The following SEM1 variants were observed in gnomAD, a reference collection of about 807,000 sequenced individuals.
SEM1 encodes the protein 26S proteasome complex subunit SEM1.
Under a neutral mutation model 12.7 loss-of-function variants are expected in SEM1, and 3 were observed. The observed-to-expected ratio is 0.24, with a 90% CI of 0.11 to 0.61. The LOEUF is 0.61. SEM1 is among the 20% of genes least tolerant of loss of function. SEM1 has a pLI of 0.88. For synonymous variants in SEM1, 30 were observed against 27.8 expected (o/e 1.08, Z -0.25); for missense variants, 59 against 81.3 (o/e 0.73, Z 1.06).
chr7:96,542,544 A>G (rs1039891769), intron 2 of SEM1, among the ~76,000 whole-genome samples: 1 of 151,852 alleles, frequency 6.6e-6, no homozygotes, highest in Non-Finnish European at 1.5e-5. Context: ...TTAAAATAGG[A>G]AAAAGGACAC....
chr7:96,641,652 T>C lies in SEM1; in HGVS notation c.171-19009A>G, dbSNP rs115094617. ...CTCTTTAAACAAACAAACAATCAAA[T>C]AATTTAGCATGCCTCCTACCCCACT... On this transcript the variant is annotated intron_variant, in intron 2 of 2. Coordinates refer to the SEM1 transcript ENST00000417009. 3.4e-3 allele frequency among the ~76,000 whole-genome samples: 517 copies of C among 152,164 alleles called. 4 individuals are homozygous for C. The highest frequency in any genetic ancestry group is 0.012 in the African/African-American group (497 of 41,556).
chr7:96,701,740 T>C (rs1425211876), intron 1 of SEM1, among the ~76,000 whole-genome samples: 1 of 152,150 alleles, frequency 6.6e-6, no homozygotes, highest in African/African-American at 2.4e-5. Context: ...CAATTTTATT[T>C]TTCATTCATG....
chr7:96,559,428 T>C (rs1182912662), intron 2 of SEM1, among the ~76,000 whole-genome samples: 1 of 151,944 alleles, frequency 6.6e-6, no homozygotes, highest in African/African-American at 2.4e-5. Flanking sequence ...AATACAGGCA[T>C]ACACCACCAC....
At chr7:96,547,878 T>C (rs1413293089) in intron 2 of SEM1, among the ~76,000 whole-genome samples, 2 of 152,148 alleles carry the variant, frequency 1.3e-5, no homozygotes. Flanking sequence ...CAAATTAAGT[T>C]GCCCCTTGTA....
chr7:96,593,878 T>C (rs1433058382), intron 2 of SEM1, among the ~76,000 whole-genome samples: 4 of 152,024 alleles, frequency 2.6e-5, no homozygotes, highest in Non-Finnish European at 5.9e-5. Flanking sequence ...ACTTATAACA[T>C]CTATGTTGAC....
At chr7:96,633,568 G>A (rs977566567) in intron 2 of SEM1, among the ~76,000 whole-genome samples, 1 of 152,062 alleles carries the variant, frequency 6.6e-6, no homozygotes, top group African/African-American at 2.4e-5. Flanking sequence ...AAATGAGGAT[G>A]TATTATAATA....
chr7:96,698,756 T>C (rs1790177355), intron 1 of SEM1, among the ~76,000 whole-genome samples: 1 of 152,200 alleles, frequency 6.6e-6, no homozygotes. Flanking sequence ...AGTAGAATGA[T>C]TTATAATCCT....
intron 1 of SEM1, among the ~76,000 whole-genome samples, chr7:96,706,567 A>AAACC (rs1584877593): frequency 1.0e-5 from 1 of 96,134 alleles, no homozygotes; most frequent in East Asian, 4.7e-4. Flanking sequence ...CATCTCAAAC[A>AAACC]AACAAAAAAA....
At chr7:96,677,884 A>C (rs1402686464) in intron 2 of SEM1, among the ~76,000 whole-genome samples, 1 of 152,134 alleles carries the variant, frequency 6.6e-6, no homozygotes, top group Non-Finnish European at 1.5e-5. Context: ...AATGTCCACT[A>C]TGGTATTTAA....
At chr7:96,684,425 A>G (rs530655905), downstream of SEM1, among the ~76,000 whole-genome samples, 1 of 152,044 alleles carries the variant, frequency 6.6e-6, no homozygotes, top group South Asian at 2.1e-4. Context: ...CTTGTGAAAG[A>G]AGGCTTGGCC....
At chr7:96,608,567 T>G (rs571054580) in intron 2 of SEM1, among the ~76,000 whole-genome samples, 12 of 152,344 alleles carry the variant, frequency 7.9e-5, no homozygotes, top group African/African-American at 2.9e-4. Flanking sequence ...TGTACCCACT[T>G]GGAGTCCAGT....
At chr7:96,566,640 A>C (rs1175870881) in intron 2 of SEM1, among the ~76,000 whole-genome samples, 5 of 151,580 alleles carry the variant, frequency 3.3e-5, no homozygotes, top group Non-Finnish European at 7.4e-5. Flanking sequence ...GACAATGTTT[A>C]ATTTTTATGT....
intron 1 of SEM1, chr7:96,708,272 C>T (rs951609643): frequency 5.3e-5 from 8 of 152,104 alleles, no homozygotes; most frequent in African/African-American, 1.9e-4. Flanking sequence ...ACTAAGAATG[C>T]CTACAACACA....
intron 2 of SEM1, among the ~76,000 whole-genome samples, chr7:96,683,412 AG>A (rs568449295): frequency 3.2e-4 from 49 of 152,214 alleles, no homozygotes; most frequent in Non-Finnish European, 5.9e-4. Context: ...GTGGAGAAAT[AG>A]GAACACTTTT....
intron 2 of SEM1, among the ~76,000 whole-genome samples, chr7:96,558,891 G>A (rs2115901659): frequency 6.6e-6 from 1 of 152,334 alleles, no homozygotes; most frequent in East Asian, 1.9e-4. Context: ...GACCCTTGCA[G>A]CCCTGCTTAT....
intron 2 of SEM1, among the ~76,000 whole-genome samples, chr7:96,507,834 G>A (rs764895412): frequency 5.3e-5 from 8 of 151,974 alleles, no homozygotes; most frequent in Admixed American, 1.3e-4. Context: ...TTGAGAGGGC[G>A]TCTCAGAATT....
intron 2 of SEM1, among the ~76,000 whole-genome samples, chr7:96,637,055 G>A (rs1808449826): frequency 6.6e-6 from 1 of 152,072 alleles, no homozygotes; most frequent in African/African-American, 2.4e-5. Flanking sequence ...GAAACAGTGA[G>A]TTTAAGGCTA....
intron 1 of SEM1, among the ~76,000 whole-genome samples, chr7:96,492,032 A>G (rs562107709): frequency 6.6e-5 from 10 of 152,282 alleles, no homozygotes; most frequent in African/African-American, 2.4e-4. Flanking sequence ...CTCAGTGTTT[A>G]CACAGTCTTT....
At chr7:96,681,801 T>C (rs1469674459) in intron 2 of SEM1, among the ~76,000 whole-genome samples, 1 of 152,188 alleles carries the variant, frequency 6.6e-6, no homozygotes, top group Non-Finnish European at 1.5e-5. Context: ...TGTAGTATAG[T>C]TTGAAGCCAG....
Sources: allele counts gnomAD v4.1 joint callset (sites outside exome capture counted in the v4.1 genomes callset), GRCh38; gene constraint gnomAD v4.1.1; transcripts MANE v1.5; gene names NCBI Gene and HGNC (gene_info 2026-07-23, HGNC 2026-07-21).